GALNTL6: variants seen among roughly 807,000 people sequenced by gnomAD.
GALNTL6 encodes the protein polypeptide N-acetylgalactosaminyltransferase like 6.
A neutral mutation model predicts 73.7 loss-of-function variants in GALNTL6; 46 were observed. That is an observed-to-expected ratio of 0.62 (90% CI 0.49 to 0.80). The LOEUF (loss-of-function observed/expected upper bound fraction) is 0.80. Among genes scored for constraint, GALNTL6 ranks in the 30% least tolerant of loss-of-function variants. The pLI is 0.00. For missense variants in GALNTL6, 604 were observed against 755.0 expected (o/e 0.80, Z 2.34); for synonymous variants, 259 against 263.7 (o/e 0.98, Z 0.17).
rs566380464 is a variant in GALNTL6 at position 171,971,308 on chromosome 4, G to A, written c.138+156590G>A. ...GCCTAGAAATGCCTCTTTGAGGTAA[G>A]TGTTCAGTGTTGACTTGACTTCGCT... On this transcript the variant is annotated intron_variant, in intron 2 of 12. Coordinates refer to ENST00000506823, the MANE Select transcript of GALNTL6 (RefSeq NM_001034845.3). Among the ~76,000 whole-genome samples, 8 of 152,290 alleles carry A rather than the reference G, an allele frequency of 5.3e-5. No individual in the cohort carries two copies. The South Asian group carries it at 1.5e-3, about 28-fold the overall frequency.
At chr4:172,008,649 G>C (rs763955734) in intron 2 of GALNTL6, among the ~76,000 whole-genome samples, 1 of 152,028 alleles carries the variant, frequency 6.6e-6, no homozygotes, top group African/African-American at 2.4e-5. Context: ...CCTCAAAACC[G>C]TTTTGTTTCC....
At chr4:173,010,204 T>A (rs1180986257) in intron 11 of GALNTL6, among the ~76,000 whole-genome samples, 4 of 152,116 alleles carry the variant, frequency 2.6e-5, no homozygotes, top group Non-Finnish European at 4.4e-5. Flanking sequence ...TCTACTATCA[T>A]CTCCATGGGT....
intron 2 of GALNTL6, among the ~76,000 whole-genome samples, chr4:172,045,800 C>A (rs1234417032): frequency 6.6e-6 from 1 of 151,672 alleles, no homozygotes; most frequent in Non-Finnish European, 1.5e-5. Context: ...TAAACAAATT[C>A]CTCCCATGTA....
chr4:172,057,701 CAAAA>C (rs57041409), intron 2 of GALNTL6, among the ~76,000 whole-genome samples: 747 of 62,700 alleles, frequency 0.012, 3 homozygotes, highest in Non-Finnish European at 0.014. Context: ...GACCCTGTCT[CAAAA>C]AAAAAAAAAA....
At position 172,784,290 on chromosome 4, in the gene GALNTL6, TTAATA is replaced by T. The variant is rs530344477; in HGVS notation, c.554-25067_554-25063del. 1.5e-3 allele frequency among the ~76,000 whole-genome samples: 221 copies of T among 152,132 alleles called. 1 individual carries two copies. Among genetic ancestry groups the T allele is most frequent in the African/African-American group, 5.2e-3 (214 of 41,510 alleles). On this transcript the variant is annotated intron_variant, in intron 5 of 12. Transcript: ENST00000506823. ...TTTTCCCTTATTAACATTCCTATAT[TTAATA>T]TAAGAAAGCACAACATTATTTTGAA...
intron 2 of GALNTL6, among the ~76,000 whole-genome samples, chr4:172,147,404 T>C (rs1025113631): frequency 6.6e-6 from 1 of 152,248 alleles, no homozygotes; most frequent in African/African-American, 2.4e-5. Flanking sequence ...ATGAAATTTG[T>C]TAAAGGCAAT....
intron 5 of GALNTL6, among the ~76,000 whole-genome samples, chr4:172,580,194 G>A (rs113315496): frequency 5.7e-4 from 87 of 152,118 alleles, no homozygotes; most frequent in African/African-American, 2.0e-3. Context: ...GCCAACATGA[G>A]GAAAATCAAT....
chr4:172,937,345 G>A (rs1199826815), intron 9 of GALNTL6, among the ~76,000 whole-genome samples: 1 of 152,004 alleles, frequency 6.6e-6, no homozygotes, highest in Non-Finnish European at 1.5e-5. Flanking sequence ...ACGGAGGTGG[G>A]GCTCACATGT....
At chr4:172,881,203 T>TA (rs1745435075) in intron 7 of GALNTL6, among the ~76,000 whole-genome samples, 1 of 152,226 alleles carries the variant, frequency 6.6e-6, no homozygotes, top group African/African-American at 2.4e-5. Flanking sequence ...CGATAAATGT[T>TA]ACAATCCTAG....
At chr4:172,255,575 G>C (rs190910857) in intron 3 of GALNTL6, among the ~76,000 whole-genome samples, 195 of 150,808 alleles carry the variant, frequency 1.3e-3, no homozygotes, top group Non-Finnish European at 2.4e-3. Context: ...TTTCTCTTTT[G>C]GTGCATATTA....
At chr4:172,245,091 G>T (rs1373047113) in intron 3 of GALNTL6, among the ~76,000 whole-genome samples, 1 of 152,086 alleles carries the variant, frequency 6.6e-6, no homozygotes, top group Admixed American at 6.6e-5. Context: ...CAAGGGATTG[G>T]AATACAAATT....
intron 2 of GALNTL6, among the ~76,000 whole-genome samples, chr4:171,915,911 G>A (rs1737611272): frequency 6.6e-6 from 1 of 151,962 alleles, no homozygotes; most frequent in Admixed American, 6.6e-5. Context: ...GAAACCCAAT[G>A]TTTATATTGT....
At chr4:172,073,374 A>G (rs569181585) in intron 2 of GALNTL6, among the ~76,000 whole-genome samples, 1 of 152,356 alleles carries the variant, frequency 6.6e-6, no homozygotes, top group Non-Finnish European at 1.5e-5. Flanking sequence ...TATGGCAGAT[A>G]CTGAATAAAT....
intron 5 of GALNTL6, among the ~76,000 whole-genome samples, chr4:172,419,352 G>A (rs979719880): frequency 3.3e-5 from 5 of 152,108 alleles, no homozygotes; most frequent in South Asian, 2.1e-4. Context: ...AAGTGTGATC[G>A]TGTATATGAG....
intron 2 of GALNTL6, among the ~76,000 whole-genome samples, chr4:171,865,117 G>T (rs1735936152): frequency 6.6e-6 from 1 of 151,796 alleles, no homozygotes; most frequent in Non-Finnish European, 1.5e-5. Flanking sequence ...TTGCACTCCA[G>T]CCTGGGCGAC....
intron 2 of GALNTL6, among the ~76,000 whole-genome samples, chr4:172,020,282 A>G (rs1741353885): frequency 6.6e-6 from 1 of 152,032 alleles, no homozygotes; most frequent in Admixed American, 6.6e-5. Flanking sequence ...AACCAAACCC[A>G]AAATTAGTAG....
rs1737887953 is a variant in GALNTL6, at chr4:172,758,586, C to T, written c.554-50775C>T. ...CAATATCATAATTGAGATATATCCC[C>T]ATCAGTATATCTAAATTTGTTGCTG... On this transcript the variant is annotated intron_variant, in intron 5 of 12. Transcript: ENST00000506823. Among the ~76,000 whole-genome samples, 4 of 152,154 alleles carry T rather than the reference C, an allele frequency of 2.6e-5. No homozygotes were observed. The South Asian group carries it at 8.3e-4, about 32-fold the overall frequency.
chr4:172,295,098 C>A (rs1184443423), intron 3 of GALNTL6, among the ~76,000 whole-genome samples: 2 of 152,018 alleles, frequency 1.3e-5, no homozygotes, highest in African/African-American at 4.8e-5. Context: ...TGAGCTATCT[C>A]CAGGTACTAG....
At chr4:171,993,812 GTA>G (rs1740409668) in intron 2 of GALNTL6, among the ~76,000 whole-genome samples, 1 of 151,282 alleles carries the variant, frequency 6.6e-6, no homozygotes, top group Non-Finnish European at 1.5e-5. Context: ...ACATATATAT[GTA>G]TATATATGTA....
Sources: allele counts gnomAD v4.1 joint callset (sites outside exome capture counted in the v4.1 genomes callset), GRCh38; gene constraint gnomAD v4.1.1; transcripts MANE v1.5; gene names NCBI Gene and HGNC (gene_info 2026-07-23, HGNC 2026-07-21).